Variants in COPG2 observed in about 807,000 individuals in gnomAD.
COPG2 encodes the protein coat protein complex I subunit gamma 2.
In COPG2, 37 loss-of-function variants were observed where a neutral mutation model predicts 46.3. The observed-to-expected ratio is 0.80, with a 90% CI of 0.61 to 1.05. The LOEUF is 1.05. COPG2 is among the 50% of genes least tolerant of loss of function. COPG2 has a pLI of 0.00. For synonymous variants in COPG2, 159 were observed against 129.7 expected (o/e 1.23, Z -1.53); for missense variants, 427 against 387.8 (o/e 1.10, Z -0.85).
chr7:130,562,802 A>G (rs1358607146), intron 11 of COPG2, among the ~76,000 whole-genome samples: 3 of 152,208 alleles, frequency 2.0e-5, no homozygotes. Flanking sequence ...ATGAAATTTA[A>G]TATTACATAT....
At chr7:130,662,153 C>T (rs1554460888) in intron 4 of COPG2, among the ~76,000 whole-genome samples, 8 of 152,148 alleles carry the variant, frequency 5.3e-5, no homozygotes. Context: ...GGAAATTAGT[C>T]TTCCTTTGCC....
At chr7:130,527,216 T>C (rs1273084804) in intron 20 of COPG2, among the ~76,000 whole-genome samples, 1 of 151,440 alleles carries the variant, frequency 6.6e-6, no homozygotes, top group Non-Finnish European at 1.5e-5. Context: ...GTAGGGATTT[T>C]AAAGAACAAA....
At chr7:130,626,911 G>T (rs1226167108) in intron 5 of COPG2, among the ~76,000 whole-genome samples, 1 of 152,034 alleles carries the variant, frequency 6.6e-6, no homozygotes, top group African/African-American at 2.4e-5. Context: ...TCTGAGACAG[G>T]GTCGCTCTGT....
At chr7:130,590,164 T>C (rs1554448598) in intron 9 of COPG2, among the ~76,000 whole-genome samples, 2 of 152,148 alleles carry the variant, frequency 1.3e-5, no homozygotes, top group Non-Finnish European at 2.9e-5. Flanking sequence ...CAAATTTCTC[T>C]ACTTCTTTAA....
chr7:130,619,847 A>C (rs1408216512), intron 5 of COPG2, among the ~76,000 whole-genome samples: 3 of 152,178 alleles, frequency 2.0e-5, no homozygotes, highest in Non-Finnish European at 4.4e-5. Context: ...CTGTTTCTTA[A>C]AACTTTGCAG....
intron 9 of COPG2, among the ~76,000 whole-genome samples, chr7:130,590,852 T>A (rs1794390348): frequency 6.7e-6 from 1 of 149,698 alleles, no homozygotes; most frequent in South Asian, 2.1e-4. Flanking sequence ...GTGAGGAGCG[T>A]CTCTGCCCAG....
intron 5 of COPG2, among the ~76,000 whole-genome samples, chr7:130,648,586 C>T (rs1795666485): frequency 6.6e-6 from 1 of 152,152 alleles, no homozygotes; most frequent in African/African-American, 2.4e-5. Flanking sequence ...CCCCTGCTCC[C>T]AAAATACAAG....
intron 12 of COPG2, among the ~76,000 whole-genome samples, chr7:130,556,525 C>T (rs2116394860): frequency 1.3e-5 from 2 of 152,196 alleles, no homozygotes; most frequent in African/African-American, 4.8e-5. Flanking sequence ...GAAAGAAAAT[C>T]TCCATAATGT....
chr7:130,579,613 G>A (rs1318713979), intron 9 of COPG2, among the ~76,000 whole-genome samples: 2 of 152,154 alleles, frequency 1.3e-5, no homozygotes, highest in Non-Finnish European at 2.9e-5. Flanking sequence ...CATCTCATGT[G>A]CAGAGACACA....
At chr7:130,520,891 T>C (rs962135358) in intron 20 of COPG2, among the ~76,000 whole-genome samples, 3 of 152,242 alleles carry the variant, frequency 2.0e-5, no homozygotes, top group Non-Finnish European at 4.4e-5. Flanking sequence ...GAGACCATTT[T>C]GTATTACACA....
intron 9 of COPG2, among the ~76,000 whole-genome samples, chr7:130,575,743 A>C (rs1417458179): frequency 6.6e-6 from 1 of 152,240 alleles, no homozygotes; most frequent in African/African-American, 2.4e-5. Context: ...ACTAACACTG[A>C]GTGTAAATAG....
intron 12 of COPG2, among the ~76,000 whole-genome samples, chr7:130,556,253 C>G (rs1446384700): frequency 6.6e-6 from 1 of 152,122 alleles, no homozygotes; most frequent in Non-Finnish European, 1.5e-5. Context: ...GCTTTTTGCT[C>G]TAAATACTAT....
chr7:130,540,513 G>A (rs906742405), intron 20 of COPG2, among the ~76,000 whole-genome samples: 5 of 152,066 alleles, frequency 3.3e-5, no homozygotes, highest in Non-Finnish European at 7.4e-5. Context: ...GGGAGGACAA[G>A]ACGTATCGGG....
chr7:130,610,856 T>C (rs1411048675), intron 9 of COPG2, 97 bp downstream of exon 9: 15 of 1,185,960 alleles, frequency 1.3e-5, no homozygotes, highest in Non-Finnish European at 1.8e-5. Context: ...TCTGTAAAGT[T>C]AGCACTGCCC....
Position 130,601,113 on chromosome 7 carries a change from T to C in COPG2, c.737+9840A>G, listed in dbSNP as rs536096576. ...AGAGAAACGCAAATCAAAACCACAA[T>C]GAGATACCATCTCACGGCACTCAGA... On this transcript the variant is annotated intron_variant, in intron 9 of 23. Transcript: ENST00000425248. 2.6e-4 allele frequency among the ~76,000 whole-genome samples: 39 copies of C among 152,234 alleles called. 1 individual carries two copies. Among genetic ancestry groups the C allele is most frequent in the South Asian group, 1.5e-3 (7 of 4,826 alleles).
chr7:130,585,377 T>C (rs782461747), intron 9 of COPG2, among the ~76,000 whole-genome samples: 3 of 151,958 alleles, frequency 2.0e-5, no homozygotes, highest in South Asian at 2.1e-4. Flanking sequence ...GAAGATAACA[T>C]TGGAAAAACC....
At chr7:130,599,821 T>A (rs1332869952) in intron 9 of COPG2, among the ~76,000 whole-genome samples, 1 of 152,206 alleles carries the variant, frequency 6.6e-6, no homozygotes, top group Non-Finnish European at 1.5e-5. Context: ...AAAGCATTTC[T>A]GGGGTACAAA....
chr7:130,555,511 G>C (rs1389825019), intron 12 of COPG2, among the ~76,000 whole-genome samples: 1 of 152,154 alleles, frequency 6.6e-6, no homozygotes, highest in Non-Finnish European at 1.5e-5. Context: ...ATGGTTTCTA[G>C]GGGAATTTTA....
At chr7:130,563,967 C>A (rs1049893994) in intron 10 of COPG2, among the ~76,000 whole-genome samples, 1 of 150,290 alleles carries the variant, frequency 6.7e-6, no homozygotes, top group Admixed American at 6.6e-5. Flanking sequence ...AAGTTTCATA[C>A]GAGGAAACAG....
Sources: gnomAD v4.1 joint callset for allele counts (sites outside exome capture counted in the v4.1 genomes callset) on GRCh38, gnomAD v4.1.1 for gene constraint, MANE v1.5 for transcripts, NCBI Gene and HGNC (gene_info 2026-07-23, HGNC 2026-07-21) for gene names.